The following SEMA4D variants were observed in gnomAD, a reference collection of about 807,000 sequenced individuals.
SEMA4D encodes the protein semaphorin 4D, also known as semaphorin-4D.
In SEMA4D, 22 loss-of-function variants were observed where a neutral mutation model predicts 74.8. The observed-to-expected ratio is 0.29, with a 90% CI of 0.21 to 0.42. SEMA4D has a LOEUF of 0.42. Ranked by LOEUF, SEMA4D falls within the 10% of genes least tolerant of loss-of-function variation. The pLI is 1.00. For synonymous variants in SEMA4D, 445 were observed against 463.7 expected, an observed-to-expected ratio of 0.96 and a Z score of 0.52; for missense variants, 937 against 1,118.4, an observed-to-expected ratio of 0.84 and a Z score of 2.31.
At chr9:89,446,920 G>C (rs1344961821) in intron 2 of SEMA4D, among the ~76,000 whole-genome samples, 1 of 152,138 alleles carries the variant, frequency 6.6e-6, no homozygotes, top group African/African-American at 2.4e-5. Flanking sequence ...TGTGGGATAG[G>C]TGCTGCCCCC....
At chr9:89,362,614 G>A (rs1248305848) in intron 18 of SEMA4D, among the ~76,000 whole-genome samples, 1 of 152,236 alleles carries the variant, frequency 6.6e-6, no homozygotes, top group Non-Finnish European at 1.5e-5. Flanking sequence ...GTGACAGGAA[G>A]GCAGAGCAGC....
intron 16 of SEMA4D, among the ~76,000 whole-genome samples, chr9:89,371,049 G>A (rs1033678834): frequency 7.1e-6 from 1 of 140,122 alleles, no homozygotes; most frequent in Non-Finnish European, 1.6e-5. Flanking sequence ...GTGTGTGTCA[G>A]GGGTATGTGT....
intron 12 of SEMA4D, 147 bp from the exon 13 acceptor site, chr9:89,386,629 C>G: frequency 1.7e-6 from 1 of 585,018 alleles, no homozygotes; most frequent in Non-Finnish European, 3.0e-6. Flanking sequence ...GCATTAGAAA[C>G]AAAAAAAGGA....
rs1833194452 is a variant in SEMA4D at position 89,364,085 on chromosome 9, C to G, written c.1883-135G>C. 3.9e-6 allele frequency: 6 copies of G among 1,555,392 alleles called. No individual in the cohort carries two copies. In the East Asian group the frequency reaches 1.4e-4, roughly 36 times the overall value. ...ACTTGGGACAACTTCCAATTCAGTC[C>G]CTGGGACTGCCCTGGAGGTGGCTTC... On this transcript the variant is annotated intron_variant, in intron 16 of 18. Coordinates refer to the SEMA4D transcript ENST00000339861.
chr9:89,477,255 T>TAC (rs61454447), intron 1 of SEMA4D, among the ~76,000 whole-genome samples: 14,565 of 148,436 alleles, frequency 0.098, 948 homozygotes, highest in Admixed American at 0.17. Context: ...TACATGCACG[T>TAC]ACACACACAC....
chr9:89,409,195 T>C (rs997293452), intron 2 of SEMA4D, among the ~76,000 whole-genome samples: 2 of 152,236 alleles, frequency 1.3e-5, no homozygotes, highest in African/African-American at 4.8e-5. Context: ...ACATACTGCA[T>C]GATCCCAACT....
chr9:89,378,689 G>A lies in SEMA4D; in HGVS notation c.*15C>T, dbSNP rs1352086511. On this transcript the variant is annotated 3_prime_UTR_variant, in exon 16 of 16. Transcript: ENST00000422704. ...ACGTCGCAGCCGAGGCACCAGCGGG[G>A]ATGCACAGCCGGCCTCAGTCTCCAT... 1.2e-6 allele frequency: 2 copies of A among 1,601,796 alleles called. No individual in the cohort carries two copies. Among genetic ancestry groups the A allele is most frequent in the Non-Finnish European group, 1.7e-6 (2 of 1,169,160 alleles).
At position 89,480,770 on chromosome 9, in the gene SEMA4D, A is replaced by G. The variant is rs149064809; in HGVS notation, c.-310+17149T>C. On this transcript the variant is annotated intron_variant, in intron 1 of 15. Coordinates refer to ENST00000422704, the MANE Select transcript of SEMA4D (RefSeq NM_001371194.2). Reference sequence around the variant, plus strand: ...ACTCCAGCTGGCCCGCAAGTGCCGCACACAGCCCCTGTTCCCGCTCCTGCC... The same window carrying G: ...ACTCCAGCTGGCCCGCAAGTGCCGCGCACAGCCCCTGTTCCCGCTCCTGCC... Among the ~76,000 whole-genome samples, 457 of 152,286 alleles carry G rather than the reference A, an allele frequency of 3.0e-3. 2 individuals are homozygous for G. Among genetic ancestry groups the G allele is most frequent in the African/African-American group, 0.01 (427 of 41,564 alleles).
intron 4 of SEMA4D, 71 bp downstream of exon 4, chr9:89,402,800 C>CCTG: frequency 6.5e-7 from 1 of 1,545,932 alleles, no homozygotes; most frequent in Non-Finnish European, 8.9e-7. Flanking sequence ...CCCCCAGCCC[C>CCTG]ACAGTGGGGC....
intron 18 of SEMA4D, among the ~76,000 whole-genome samples, chr9:89,362,933 G>A (rs557010545): frequency 6.6e-6 from 1 of 152,276 alleles, no homozygotes; most frequent in South Asian, 2.1e-4. Context: ...GGGAGCCTCT[G>A]CCCCACTGCC....
chr9:89,436,582 G>A (rs1432270729), intron 2 of SEMA4D: 3 of 152,404 alleles, frequency 2.0e-5, no homozygotes, highest in Non-Finnish European at 4.4e-5. Context: ...CGCAGGCTGT[G>A]GAACAACCCT....
At chr9:89,407,025 T>C (rs149749637) in intron 2 of SEMA4D, among the ~76,000 whole-genome samples, 1 of 142,482 alleles carries the variant, frequency 7.0e-6, no homozygotes, top group African/African-American at 2.6e-5. Flanking sequence ...GCTTGTCTCC[T>C]CCTGTCCATC....
chr9:89,456,879 G>A (rs140749163), intron 1 of SEMA4D, among the ~76,000 whole-genome samples: 20 of 152,310 alleles, frequency 1.3e-4, no homozygotes, highest in Admixed American at 5.9e-4. Context: ...GAGCCACCGC[G>A]TCCAGCTGGG....
chr9:89,471,192 A>G (rs1860102779), intron 1 of SEMA4D, among the ~76,000 whole-genome samples: 1 of 152,226 alleles, frequency 6.6e-6, no homozygotes, highest in East Asian at 1.9e-4. Context: ...AGTCAGTCAC[A>G]GCGACAGAAA....
Position 89,378,525 on chromosome 9 carries a change from G to A in SEMA4D, c.*179C>T. ...TGTCATTTTTCCAAAAGGACAAAGAGAAACCAAGTCACAGGCTCAACCCAA... is the reference window on the plus strand; with the variant it reads ...TGTCATTTTTCCAAAAGGACAAAGAAAAACCAAGTCACAGGCTCAACCCAA... On this transcript the variant is annotated 3_prime_UTR_variant, in exon 16 of 16. Coordinates refer to ENST00000422704, the MANE Select transcript of SEMA4D (RefSeq NM_001371194.2). The A allele has an allele frequency of 3.4e-6, 2 of 592,208 alleles. No individual in the cohort carries two copies. The highest frequency in any genetic ancestry group is 5.6e-5 in the East Asian group (2 of 35,764). 36.7% of individuals were successfully genotyped at this position (592,208 alleles called of 1,614,324 possible). A position where few individuals can be genotyped will look rare whatever the true frequency, so the allele number is the denominator to read the frequency against.
chr9:89,436,916 G>A (rs1468011390), intron 2 of SEMA4D, among the ~76,000 whole-genome samples: 1 of 152,234 alleles, frequency 6.6e-6, no homozygotes, highest in Non-Finnish European at 1.5e-5. Flanking sequence ...ACGGGACAAT[G>A]GGGCTAGAGG....
intron 2 of SEMA4D, chr9:89,450,577 C>A: frequency 1.1e-6 from 1 of 946,816 alleles, no homozygotes; most frequent in Non-Finnish European, 1.7e-6. Context: ...CCCTTCCAGC[C>A]TGACCTCTAT....
chr9:89,373,850 T>C (rs1256686320), downstream of SEMA4D, among the ~76,000 whole-genome samples: 1 of 152,066 alleles, frequency 6.6e-6, no homozygotes, highest in Non-Finnish European at 1.5e-5. Context: ...TGGCACTCAC[T>C]CTCCTCAGGA....
intron 2 of SEMA4D, among the ~76,000 whole-genome samples, chr9:89,421,024 A>G (rs1377682126): frequency 2.0e-5 from 3 of 152,254 alleles, no homozygotes; most frequent in African/African-American, 7.2e-5. Context: ...AGCAGGGTGC[A>G]GCTATTAGCA....
Sources: gnomAD v4.1 joint callset for allele counts (sites outside exome capture counted in the v4.1 genomes callset) on GRCh38, gnomAD v4.1.1 for gene constraint, MANE v1.5 for transcripts, NCBI Gene and HGNC (gene_info 2026-07-23, HGNC 2026-07-21) for gene names.